Variants in ZNF804B observed in about 807,000 individuals in gnomAD.
The protein encoded by ZNF804B is zinc finger protein 804B.
In ZNF804B, 80 loss-of-function variants were observed where a neutral mutation model predicts 101.4. The ratio of observed to expected loss-of-function variants is 0.79; its 90% CI spans 0.66 to 0.95. The LOEUF is 0.95. Ranked by LOEUF, ZNF804B falls within the 40% of genes least tolerant of loss-of-function variation. The pLI is 0.00. For missense variants in ZNF804B, 1,673 were observed against 1,561.9 expected (o/e 1.07, Z -1.20); for synonymous variants, 622 against 558.8 (o/e 1.11, Z -1.59).
At chr7:89,269,633 C>T (rs1025017723) in intron 2 of ZNF804B, among the ~76,000 whole-genome samples, 1 of 152,214 alleles carries the variant, frequency 6.6e-6, no homozygotes, top group Non-Finnish European at 1.5e-5. Flanking sequence ...CATGAGGAAT[C>T]GCCACACTGA....
rs139981432 is a variant in ZNF804B at position 89,175,042 on chromosome 7, G to A, written c.109-43113G>A. Among the ~76,000 whole-genome samples, 239 of 151,960 alleles carry A rather than the reference G, an allele frequency of 1.6e-3. 3 individuals are homozygous for A. Among genetic ancestry groups the A allele is most frequent in the Admixed American group, 0.014 (217 of 15,256 alleles). On this transcript the variant is annotated intron_variant, in intron 1 of 3. Transcript: ENST00000333190. ...AATATTTTCCCTCATTTTGTGCATTGTTTCTTCACTTTGTTGATTGTTTCC... is the reference window on the plus strand; with the variant it reads ...AATATTTTCCCTCATTTTGTGCATTATTTCTTCACTTTGTTGATTGTTTCC...
intron 1 of ZNF804B, among the ~76,000 whole-genome samples, chr7:89,115,073 G>A (rs1000376170): frequency 2.0e-5 from 3 of 152,034 alleles, no homozygotes; most frequent in African/African-American, 7.2e-5. Flanking sequence ...ATAGTTAACA[G>A]GGCCCTAACT....
intron 1 of ZNF804B, among the ~76,000 whole-genome samples, chr7:88,951,456 ATG>A: frequency 6.6e-6 from 1 of 151,740 alleles, no homozygotes; most frequent in Non-Finnish European, 1.5e-5. Context: ...ATACACACAC[ATG>A]CGCGTGCGCA....
chr7:89,292,721 T>C (rs1790316230), intron 2 of ZNF804B, among the ~76,000 whole-genome samples: 2 of 151,978 alleles, frequency 1.3e-5, no homozygotes, highest in African/African-American at 4.8e-5. Flanking sequence ...ACATCGAATG[T>C]AAATGTTATT....
chr7:88,810,698 A>T (rs931914805), intron 1 of ZNF804B, among the ~76,000 whole-genome samples: 2 of 152,028 alleles, frequency 1.3e-5, no homozygotes, highest in African/African-American at 2.4e-5. Flanking sequence ...AAAGTATTAA[A>T]GCGTAAACAA....
intron 1 of ZNF804B, among the ~76,000 whole-genome samples, chr7:89,000,305 G>T (rs1278570580): frequency 1.3e-5 from 2 of 151,888 alleles, no homozygotes; most frequent in African/African-American, 4.8e-5. Flanking sequence ...TTTAAGCAAG[G>T]TAATAATTTA....
intron 2 of ZNF804B, among the ~76,000 whole-genome samples, chr7:89,287,178 T>C (rs965225124): frequency 6.6e-6 from 1 of 152,356 alleles, no homozygotes; most frequent in Non-Finnish European, 1.5e-5. Context: ...TGAATGTTTA[T>C]ATTATTTGTA....
At chr7:89,022,331 C>T (rs577998019) in intron 1 of ZNF804B, among the ~76,000 whole-genome samples, 14 of 152,226 alleles carry the variant, frequency 9.2e-5, no homozygotes, top group African/African-American at 2.9e-4. Flanking sequence ...CTTTACATTA[C>T]GAACTTTTAA....
At chr7:88,764,532 A>C (rs1203648128) in intron 1 of ZNF804B, among the ~76,000 whole-genome samples, 1 of 152,156 alleles carries the variant, frequency 6.6e-6, no homozygotes, top group Non-Finnish European at 1.5e-5. Context: ...TAAATGGACC[A>C]ACAATCTGCT....
intron 1 of ZNF804B, among the ~76,000 whole-genome samples, chr7:88,807,743 T>C (rs1157241853): frequency 6.6e-6 from 1 of 152,218 alleles, no homozygotes; most frequent in Non-Finnish European, 1.5e-5. Flanking sequence ...GACAGCTTTA[T>C]AGATTTGCAA....
At chr7:89,135,166 T>TA (rs1191618043) in intron 1 of ZNF804B, among the ~76,000 whole-genome samples, 1 of 152,126 alleles carries the variant, frequency 6.6e-6, no homozygotes, top group Non-Finnish European at 1.5e-5. Flanking sequence ...ATGACTGACT[T>TA]ACAATAGAAA....
intron 1 of ZNF804B, among the ~76,000 whole-genome samples, chr7:88,895,277 G>A (rs1792268712): frequency 6.6e-6 from 1 of 152,178 alleles, no homozygotes; most frequent in Non-Finnish European, 1.5e-5. Context: ...TAAGTAAATG[G>A]GTGGCAGATG....
intron 1 of ZNF804B, among the ~76,000 whole-genome samples, chr7:88,847,493 A>C (rs1230156935): frequency 2.0e-5 from 3 of 152,128 alleles, no homozygotes; most frequent in Non-Finnish European, 4.4e-5. Context: ...AAATAAAAGG[A>C]AATTTTTAAT....
intron 1 of ZNF804B, among the ~76,000 whole-genome samples, chr7:88,886,063 A>G (rs1310204920): frequency 6.6e-6 from 1 of 152,134 alleles, no homozygotes; most frequent in African/African-American, 2.4e-5. Context: ...TATATATCTT[A>G]CATTTCACCA....
At chr7:89,081,807 AC>A in intron 1 of ZNF804B, among the ~76,000 whole-genome samples, 1 of 151,812 alleles carries the variant, frequency 6.6e-6, no homozygotes. Flanking sequence ...GTTGTCAATG[AC>A]CTATGAAAAG....
chr7:89,270,844 C>T (rs1041959991), intron 2 of ZNF804B, among the ~76,000 whole-genome samples: 1 of 152,112 alleles, frequency 6.6e-6, no homozygotes, highest in Admixed American at 6.6e-5. Context: ...AATGGGAGTT[C>T]ACTCATGATT....
intron 1 of ZNF804B, among the ~76,000 whole-genome samples, chr7:88,776,562 T>TG (rs1407165839): frequency 0.011 from 1,127 of 106,954 alleles, 23 homozygotes; most frequent in African/African-American, 0.037. Context: ...GGTGTTTTGT[T>TG]TTTTTTTTTT....
Position 89,327,418 on chromosome 7 carries a change from A to C in ZNF804B, c.324A>C (p.Gln108His). 1 of 1,611,808 alleles carries C rather than the reference A, an allele frequency of 6.2e-7. No individual in the cohort carries two copies. ...AGTCATGGAAAGATGAGAAAAAACAAGAAAAAGCACTTAAACGACTTCATC... is the reference window on the plus strand; with the variant it reads ...AGTCATGGAAAGATGAGAAAAAACACGAAAAAGCACTTAAACGACTTCATC... ...ASKSWKDEKK[Q>H]EKALKRLHQL... The change falls in exon 3 of 4, where the codon CAA becomes CAC. Residue 108 changes from glutamine (Q) to histidine (H), a missense_variant. Transcript: ENST00000333190.
chr7:88,905,491 G>T (rs745393293), intron 1 of ZNF804B, among the ~76,000 whole-genome samples: 8 of 151,958 alleles, frequency 5.3e-5, no homozygotes, highest in Non-Finnish European at 1.0e-4. Context: ...CCAAATGTCT[G>T]AGATTACAGG....
Sources: gnomAD v4.1 joint callset for allele counts (sites outside exome capture counted in the v4.1 genomes callset) on GRCh38, gnomAD v4.1.1 for gene constraint, MANE v1.5 for transcripts, NCBI Gene and HGNC (gene_info 2026-07-23, HGNC 2026-07-21) for gene names.